Variants in GIGYF2 observed in about 807,000 individuals in gnomAD.
GIGYF2 encodes the protein GRB10 interacting GYF protein 2, also known as GRB10-interacting GYF protein 2.
In GIGYF2, 25 loss-of-function variants were observed where a neutral mutation model predicts 208.1. That is an observed-to-expected ratio of 0.12 (90% confidence interval 0.09 to 0.17). The LOEUF is 0.17. GIGYF2 is among the 10% of genes least tolerant of loss of function. The pLI is 1.00. For missense variants in GIGYF2, 1,302 were observed against 1,579.4 expected (o/e 0.82, Z 2.98); for synonymous variants, 534 against 543.8 (o/e 0.98, Z 0.25).
chr2:232,851,915 G>A (rs374979364), intron 28 of GIGYF2, among the ~76,000 whole-genome samples: 4 of 152,198 alleles, frequency 2.6e-5, no homozygotes, highest in African/African-American at 9.7e-5. Flanking sequence ...GGATGAAAAG[G>A]AGTTAGATGG....
At position 232,844,131 on chromosome 2, in the gene GIGYF2, T is replaced by C. The variant is rs149386582; in HGVS notation, c.2975T>C (p.Val992Ala). ...QQQKLSGWGNVSKPSGTTKSL... is the reference protein window; with the variant it reads ...QQQKLSGWGNASKPSGTTKSL... The stretch of plus-strand genomic sequence containing the variant: ...CAGAAACTCTCAGGTTGGGGGAATG[T>C]CAGCAAACCTTCAGGTACCACGAAA... Residue 992 changes from valine to alanine, a missense_variant, in exon 24 of 29, where the codon GTC becomes GCC. Transcript: ENST00000373563. 1.4e-5 allele frequency: 23 copies of C among 1,589,294 alleles called. No individual in the cohort carries two copies. Among genetic ancestry groups the C allele is most frequent in the Non-Finnish European group, 1.9e-5 (22 of 1,165,840 alleles).
At chr2:232,762,981 C>T (rs182422789) in intron 8 of GIGYF2, among the ~76,000 whole-genome samples, 1 of 151,476 alleles carries the variant, frequency 6.6e-6, no homozygotes, top group Non-Finnish European at 1.5e-5. Context: ...GTGATCACAC[C>T]ATTGCACTCT....
rs781769306 is a variant in GIGYF2 at position 232,811,295 on chromosome 2, C to T, written c.1950C>T (p.Ser650=). ...LAQQQKAALS[S]QQQQQLALLL... is the part of the protein sequence containing the mutation. ...AACAGCAGAAAGCAGCACTGTCTTC[C>T]CAGCAGCAGCAGCAGTTGGCACTTC... The change falls in exon 17 of 29, where the codon TCC becomes TCT. Residue 650 remains serine, a synonymous_variant. Transcript: ENST00000373563. 2 of 1,612,342 alleles carry T rather than the reference C, an allele frequency of 1.2e-6. No homozygotes were observed. The highest frequency in any genetic ancestry group is 1.7e-6 in the Non-Finnish European group (2 of 1,178,688).
In GIGYF2 at chr2:232,857,168, C is replaced by T. The variant is rs1387818581; in HGVS notation, c.*308C>T. 5 of 463,080 alleles carry T rather than the reference C, an allele frequency of 1.1e-5. No individual in the cohort carries two copies. The highest frequency in any genetic ancestry group is 2.0e-5 in the Non-Finnish European group (5 of 253,714). The allele number at this position is 463,080 out of a possible 1,614,324, so 28.7% of individuals were successfully genotyped here. On this transcript the variant is annotated 3_prime_UTR_variant, in exon 29 of 29. Transcript: ENST00000373563. ...TGTGCTGTGATTTCATCTACTGTCT[C>T]CCAGAAAGTGTGTTGGGATCGGCCA...
intron 8 of GIGYF2, among the ~76,000 whole-genome samples, chr2:232,764,232 T>C (rs1330135706): frequency 1.3e-5 from 2 of 152,224 alleles, no homozygotes; most frequent in African/African-American, 4.8e-5. Context: ...AGTGGCTGCA[T>C]GTAAAAGCAG....
At chr2:232,834,841 T>C in intron 22 of GIGYF2, among the ~76,000 whole-genome samples, 1 of 152,176 alleles carries the variant, frequency 6.6e-6, no homozygotes, top group East Asian at 1.9e-4. Context: ...GATTTTTTTT[T>C]TAACTAAAAG....
Position 232,856,971 on chromosome 2 carries a change from C to T in GIGYF2, c.*111C>T. 1 of 812,518 alleles carries T rather than the reference C, an allele frequency of 1.2e-6. No homozygotes were observed. Among genetic ancestry groups the T allele is most frequent in the Non-Finnish European group, 2.2e-6 (1 of 453,328 alleles). 50.3% of individuals were successfully genotyped at this position (812,518 alleles called of 1,614,324 possible). On this transcript the variant is annotated 3_prime_UTR_variant, in exon 29 of 29. Transcript: ENST00000373563. The stretch of plus-strand genomic sequence containing the variant: ...CTCTTTATCACTCTGCAACAAATCA[C>T]AGAACCGATCATCTCAGGCTTTTTC...
At position 232,760,502 on chromosome 2, in the gene GIGYF2, T is replaced by G; in HGVS notation, c.402T>G (p.Gly134=). ...RGRGRGRGEC[G]FYQRSFDEVE... ...CAGGCAGAGGCAGAGGTGAATGTGG[T>G]TTCTACCAAAGAAGTTTTGATGAAG... Residue 134 remains glycine, a synonymous_variant, in exon 7 of 29, where the codon GGT becomes GGG. Coordinates refer to ENST00000373563, the MANE Select transcript of GIGYF2 (RefSeq NM_001103146.3). 1.2e-6 allele frequency: 2 copies of G among 1,613,382 alleles called. No homozygotes were observed. Among genetic ancestry groups the G allele is most frequent in the Non-Finnish European group, 1.7e-6 (2 of 1,179,456 alleles).
chr2:232,736,901 C>CA (rs2106298717), intron 3 of GIGYF2, among the ~76,000 whole-genome samples: 1 of 152,096 alleles, frequency 6.6e-6, no homozygotes, highest in South Asian at 2.1e-4. Flanking sequence ...AAAGGGAACA[C>CA]CAGGAATTTA....
At chr2:232,765,844 T>C (rs921747206) in intron 8 of GIGYF2, 5 of 454,570 alleles carry the variant, frequency 1.1e-5, no homozygotes, top group Non-Finnish European at 2.3e-5. Flanking sequence ...GATTTTTAGG[T>C]AACGACATGC....
At chr2:232,794,097 A>G (rs886321567) in intron 12 of GIGYF2, among the ~76,000 whole-genome samples, 1 of 152,178 alleles carries the variant, frequency 6.6e-6, no homozygotes, top group Admixed American at 6.5e-5. Context: ...AACAAACAAG[A>G]TTTCAAAGGG....
intron 25 of GIGYF2, 112 bp downstream of exon 25, chr2:232,844,686 G>A (rs1054468445): frequency 5.7e-5 from 42 of 734,702 alleles, no homozygotes; most frequent in Non-Finnish European, 9.2e-5. Flanking sequence ...TTTGCTTACC[G>A]TTTTCATCTG....
chr2:232,829,878 TAGTAGACAGTTGAC>T (rs1701372236), intron 21 of GIGYF2, among the ~76,000 whole-genome samples: 1 of 152,236 alleles, frequency 6.6e-6, no homozygotes, highest in Non-Finnish European at 1.5e-5. Context: ...GCTTTCTGAT[TAGTAGACAGTTGAC>T]AGTAGACAGT....
intron 2 of GIGYF2, among the ~76,000 whole-genome samples, chr2:232,708,056 A>G (rs1005041536): frequency 6.6e-6 from 1 of 152,016 alleles, no homozygotes; most frequent in African/African-American, 2.4e-5. Context: ...CGACCTTCTC[A>G]GGCTCAGGTG....
At chr2:232,792,056 A>G (rs530011976) in intron 12 of GIGYF2, among the ~76,000 whole-genome samples, 1 of 152,314 alleles carries the variant, frequency 6.6e-6, no homozygotes, top group African/African-American at 2.4e-5. Flanking sequence ...ATAAAAATTG[A>G]TACCCTTTAA....
At chr2:232,854,173 T>G (rs748688683) in intron 28 of GIGYF2, among the ~76,000 whole-genome samples, 1 of 152,224 alleles carries the variant, frequency 6.6e-6, no homozygotes, top group Non-Finnish European at 1.5e-5. Flanking sequence ...TTCTTGTACT[T>G]GCCTAATTAA....
chr2:232,742,911 T>C (rs1425129356), intron 3 of GIGYF2, among the ~76,000 whole-genome samples: 1 of 152,156 alleles, frequency 6.6e-6, no homozygotes, highest in Non-Finnish European at 1.5e-5. Context: ...GGGCTTTACA[T>C]GGTTGTGTAT....
At chr2:232,753,316 G>T (rs912695013) in intron 5 of GIGYF2, among the ~76,000 whole-genome samples, 3 of 151,922 alleles carry the variant, frequency 2.0e-5, no homozygotes, top group Non-Finnish European at 1.5e-5. Flanking sequence ...TAGAGATGGG[G>T]TTTCACCATG....
rs750831238 is a variant in GIGYF2, at chr2:232,790,811, G to A, written c.826G>A (p.Gly276Arg). The change falls in exon 10 of 29, where the codon GGG (glycine) becomes AGG (arginine). Residue 276 changes from glycine to arginine, a missense_variant. Gly to Arg is a moderately radical substitution (Grantham distance 125, BLOSUM62 -2). Coordinates refer to ENST00000373563, the MANE Select transcript of GIGYF2 (RefSeq NM_001103146.3). ...TTACCGAAGGGTTCGCTCTGGCAGT[G>A]GGAGCATAGATGATGACAGGGATAG... Reference protein sequence around the residue: ...RGYRRVRSGSGSIDDDRDSLP... With the variant: ...RGYRRVRSGSRSIDDDRDSLP... The A allele has an allele frequency of 6.2e-7, 1 of 1,614,080 alleles. No homozygotes were observed. The highest frequency in any genetic ancestry group is 8.5e-7 in the Non-Finnish European group (1 of 1,179,938).
Sources: gnomAD v4.1 joint callset for allele counts (sites outside exome capture counted in the v4.1 genomes callset) on GRCh38, gnomAD v4.1.1 for gene constraint, MANE v1.5 for transcripts, NCBI Gene and HGNC (gene_info 2026-07-23, HGNC 2026-07-21) for gene names.